The following TMEFF2 variants were observed in gnomAD, a reference collection of about 807,000 sequenced individuals.
TMEFF2 encodes the protein tomoregulin-2.
Under a neutral mutation model 53.8 loss-of-function variants are expected in TMEFF2, and 28 were observed. The observed-to-expected ratio is 0.52, with a 90% confidence interval of 0.39 to 0.71. The LOEUF (loss-of-function observed/expected upper bound fraction) is 0.71, where lower values mean the gene tolerates loss of function less well. Among genes scored for constraint, TMEFF2 ranks in the 30% least tolerant of loss-of-function variants. The pLI is 0.00. For synonymous variants in TMEFF2, 162 were observed against 166.3 expected (o/e 0.97, Z 0.20); for missense variants, 353 against 455.2 (o/e 0.78, Z 2.04).
rs552461298 is a variant in TMEFF2 at position 192,076,665 on chromosome 2, C to T, written c.440-18890G>A. 3.3e-5 allele frequency among the ~76,000 whole-genome samples: 5 copies of T among 152,222 alleles called. No homozygotes were observed. In the East Asian group the frequency reaches 7.7e-4, roughly 24 times the overall value. ...TTTATCCCATTTCTCCAATTCACTC[C>T]CTTGCCCACCCTCTACTAGCACCAC... On this transcript the variant is annotated intron_variant, in intron 4 of 9. Transcript: ENST00000272771.
chr2:192,123,282 C>T (rs1045958431), intron 4 of TMEFF2, among the ~76,000 whole-genome samples: 8 of 152,198 alleles, frequency 5.3e-5, no homozygotes, highest in Non-Finnish European at 1.2e-4. Context: ...TGCTGTACTT[C>T]TGATATGATG....
At chr2:192,152,397 A>G (rs1164355043) in intron 4 of TMEFF2, among the ~76,000 whole-genome samples, 2 of 151,908 alleles carry the variant, frequency 1.3e-5, no homozygotes, top group African/African-American at 4.8e-5. Context: ...TGCTGTTGTA[A>G]TCATTTCTGA....
At chr2:192,151,029 G>T (rs1690375498) in intron 4 of TMEFF2, among the ~76,000 whole-genome samples, 1 of 151,782 alleles carries the variant, frequency 6.6e-6, no homozygotes, top group African/African-American at 2.4e-5. Flanking sequence ...GATCATGGGG[G>T]CATTTTCCCC....
intron 7 of TMEFF2, among the ~76,000 whole-genome samples, chr2:191,991,454 A>C (rs1178500796): frequency 6.6e-6 from 1 of 152,120 alleles, no homozygotes; most frequent in Non-Finnish European, 1.5e-5. Flanking sequence ...AATGCCTTAC[A>C]TGATGTCTTT....
At chr2:192,087,323 G>A (rs926952108) in intron 4 of TMEFF2, among the ~76,000 whole-genome samples, 5 of 152,076 alleles carry the variant, frequency 3.3e-5, no homozygotes, top group Non-Finnish European at 5.9e-5. Context: ...TGCCAGGGTT[G>A]CGGAAATCAT....
intron 4 of TMEFF2, among the ~76,000 whole-genome samples, chr2:192,078,070 AAAAGG>A (rs894924609): frequency 3.3e-5 from 5 of 152,124 alleles, no homozygotes; most frequent in East Asian, 3.9e-4. Flanking sequence ...AACACTTAAG[AAAAGG>A]AAAGAATGCT....
chr2:192,131,325 C>A (rs1408558555), intron 4 of TMEFF2, among the ~76,000 whole-genome samples: 21 of 150,278 alleles, frequency 1.4e-4, no homozygotes, highest in Admixed American at 3.3e-4. Context: ...CCCTTCTCTC[C>A]TTGTCTCTAC....
At chr2:192,075,140 A>G (rs1191702722) in intron 4 of TMEFF2, among the ~76,000 whole-genome samples, 1 of 151,168 alleles carries the variant, frequency 6.6e-6, no homozygotes, top group Non-Finnish European at 1.5e-5. Context: ...AACTAGGCAC[A>G]GAAGGATGAA....
At chr2:192,078,454 T>C (rs889836716) in intron 4 of TMEFF2, among the ~76,000 whole-genome samples, 7 of 152,164 alleles carry the variant, frequency 4.6e-5, no homozygotes, top group African/African-American at 1.7e-4. Context: ...TTGTGTTCCT[T>C]TTCCTCAGAA....
In TMEFF2 at chr2:191,949,725, C is replaced by A. The variant is rs972111312; in HGVS notation, c.*586G>T. The A allele has an allele frequency of 1.1e-5, 11 of 985,242 alleles. No individual in the cohort carries two copies. In the African/African-American group the frequency reaches 1.9e-4, roughly 17 times the overall value. The allele number at this position is 985,242 out of a possible 1,614,324, so 61.0% of individuals were successfully genotyped here. ...TTTAGTTTATATGCCAGAGATTTTT[C>A]TGCTCTAGGGATGAAAATGGAAGAC... On this transcript the variant is annotated 3_prime_UTR_variant, in exon 10 of 10. Coordinates refer to ENST00000272771, the MANE Select transcript of TMEFF2 (RefSeq NM_016192.4).
chr2:192,016,680 T>C (rs2105855709), intron 5 of TMEFF2, among the ~76,000 whole-genome samples: 1 of 152,318 alleles, frequency 6.6e-6, no homozygotes, highest in Non-Finnish European at 1.5e-5. Context: ...GTCCAAAAGG[T>C]GCTATCCTCA....
intron 4 of TMEFF2, among the ~76,000 whole-genome samples, chr2:192,110,933 C>CT (rs981193457): frequency 6.6e-6 from 1 of 152,036 alleles, no homozygotes; most frequent in Non-Finnish European, 1.5e-5. Context: ...AGGGGAAGCC[C>CT]TTTTTTGCTT....
At chr2:192,001,139 C>T (rs1229965175) in intron 5 of TMEFF2, among the ~76,000 whole-genome samples, 1 of 152,114 alleles carries the variant, frequency 6.6e-6, no homozygotes, top group African/African-American at 2.4e-5. Context: ...TTTCTTTTGC[C>T]TTCAAACCAG....
At chr2:192,023,772 G>C (rs1686910717) in intron 5 of TMEFF2, among the ~76,000 whole-genome samples, 1 of 152,064 alleles carries the variant, frequency 6.6e-6, no homozygotes, top group Non-Finnish European at 1.5e-5. Flanking sequence ...AACTGGGAGA[G>C]CTTTCCTCTC....
Position 192,049,241 on chromosome 2 carries a change from G to A in TMEFF2, c.536+8438C>T, listed in dbSNP as rs1014643641. On this transcript the variant is annotated intron_variant, in intron 5 of 9. Transcript: ENST00000272771. The stretch of plus-strand genomic sequence containing the variant: ...AGAAGACCCTGAGTGGTAGTTAAGA[G>A]CATGGAGTCTGCCTGGCTGGCACAA... Among the ~76,000 whole-genome samples the A allele has an allele frequency of 2.0e-4, 31 of 152,094 alleles. 1 individual carries two copies. The highest frequency in any genetic ancestry group is 2.6e-4 in the Admixed American group (4 of 15,270).
chr2:192,105,300 T>A (rs1325106959), intron 4 of TMEFF2, among the ~76,000 whole-genome samples: 1 of 151,968 alleles, frequency 6.6e-6, no homozygotes, highest in Non-Finnish European at 1.5e-5. Context: ...GTAATATACA[T>A]TCTACAATAA....
chr2:192,192,490 A>G (rs987104142), intron 1 of TMEFF2, among the ~76,000 whole-genome samples: 7 of 152,178 alleles, frequency 4.6e-5, no homozygotes, highest in Admixed American at 6.5e-5. Flanking sequence ...AAGCCTCAAT[A>G]ATAAAGATAA....
At chr2:192,132,188 C>T (rs1214681013) in intron 4 of TMEFF2, among the ~76,000 whole-genome samples, 1 of 152,186 alleles carries the variant, frequency 6.6e-6, no homozygotes, top group Non-Finnish European at 1.5e-5. Context: ...CCCCTCCTCA[C>T]ACCTGGTCTG....
intron 4 of TMEFF2, chr2:192,178,505 G>A (rs1172152757): frequency 9.3e-6 from 1 of 107,310 alleles, no homozygotes; most frequent in East Asian, 3.1e-4. Context: ...CTTGACTGCT[G>A]TTCAGTTTTA....
Sources: gnomAD v4.1 joint callset for allele counts (sites outside exome capture counted in the v4.1 genomes callset) on GRCh38, gnomAD v4.1.1 for gene constraint, MANE v1.5 for transcripts, NCBI Gene and HGNC (gene_info 2026-07-23, HGNC 2026-07-21) for gene names.